MACF1: variants seen among roughly 807,000 people sequenced by gnomAD.
MACF1 encodes microtubule-actin cross-linking factor 1.
A neutral mutation model predicts 854.8 loss-of-function variants in MACF1; 193 were observed. The ratio of observed to expected loss-of-function variants is 0.23; its 90% CI spans 0.20 to 0.25. The LOEUF (loss-of-function observed/expected upper bound fraction) is 0.25, where lower values mean the gene tolerates loss of function less well. MACF1 is among the 10% of genes least tolerant of loss of function. MACF1 has a pLI of 1.00. For missense variants in MACF1, 7,722 were observed against 8,929.1 expected (o/e 0.86, Z 5.45); for synonymous variants, 3,185 against 3,226.7 (o/e 0.99, Z 0.44).
At chr1:39,147,487 CTTCT>C (rs1323623012) in intron 2 of MACF1, among the ~76,000 whole-genome samples, 3 of 143,178 alleles carry the variant, frequency 2.1e-5, no homozygotes, top group Admixed American at 7.4e-5. Context: ...CCCTTCCTTC[CTTCT>C]TTCCCTTCTT....
intron 97 of MACF1, among the ~76,000 whole-genome samples, chr1:39,478,423 C>G (rs973570815): frequency 2.0e-5 from 3 of 152,136 alleles, no homozygotes; most frequent in African/African-American, 4.8e-5. Context: ...TCTTAGAGAT[C>G]GGTTGACCTG....
intron 40 of MACF1, among the ~76,000 whole-genome samples, chr1:39,344,319 T>C (rs1339487053): frequency 7.1e-6 from 1 of 140,760 alleles, no homozygotes; most frequent in African/African-American, 2.7e-5. Context: ...GTAATCTCAG[T>C]TACTTGGGAG....
Position 39,105,976 on chromosome 1 carries a change from G to A in MACF1, c.220+21538G>A, listed in dbSNP as rs1344970734. Reference sequence around the variant, plus strand: ...CCCTATTATCCGGCCCCAGCTGGAAGAAGGCGAGACAAGGCGCTGGCCTGG... The same window carrying A: ...CCCTATTATCCGGCCCCAGCTGGAAAAAGGCGAGACAAGGCGCTGGCCTGG... On this transcript the variant is annotated intron_variant, in intron 2 of 93. Transcript: ENST00000361689. This position sits in a 1 kb window ranked among gnomAD's most constrained non-coding sequence, Gnocchi z 5.9. Among the ~76,000 whole-genome samples the A allele has an allele frequency of 6.6e-6, 1 of 152,228 alleles. No individual in the cohort carries two copies. Among genetic ancestry groups the A allele is most frequent in the African/African-American group, 2.4e-5 (1 of 41,456 alleles).
At chr1:39,104,049 C>A (rs559465439) in intron 2 of MACF1, among the ~76,000 whole-genome samples, 34 of 152,192 alleles carry the variant, frequency 2.2e-4, no homozygotes, top group Non-Finnish European at 4.3e-4. Context: ...GGAATGGAAG[C>A]CCAAGTCCCA....
intron 58 of MACF1, chr1:39,412,579 C>T: frequency 6.2e-7 from 1 of 1,613,966 alleles, no homozygotes; most frequent in South Asian, 1.1e-5. Flanking sequence ...AGAACTGAGA[C>T]TTAATCCAGA....
intron 99 of MACF1, among the ~76,000 whole-genome samples, chr1:39,481,336 A>G (rs1645007863): frequency 6.6e-6 from 1 of 152,256 alleles, no homozygotes; most frequent in Non-Finnish European, 1.5e-5. Flanking sequence ...ATTTATAATC[A>G]GGCCTCTTGG....
At chr1:39,368,778 A>T (rs868536767) in intron 50 of MACF1, among the ~76,000 whole-genome samples, 8 of 152,304 alleles carry the variant, frequency 5.3e-5, no homozygotes, top group African/African-American at 1.7e-4. Flanking sequence ...CTGGGATTAC[A>T]GGCATGAGCC....
intron 2 of MACF1, among the ~76,000 whole-genome samples, chr1:39,127,449 T>C (rs1205466305): frequency 6.6e-6 from 1 of 152,208 alleles, no homozygotes; most frequent in Non-Finnish European, 1.5e-5. Flanking sequence ...CACTTAATTC[T>C]CATGATAACC....
At chr1:39,269,389 G>A (rs1297183537) in intron 6 of MACF1, 10 of 1,289,706 alleles carry the variant, frequency 7.8e-6, no homozygotes, top group Admixed American at 6.9e-5. Context: ...AGTGTTTCAG[G>A]TGCCCCTCAG....
intron 58 of MACF1, chr1:39,411,732 A>C (rs1353764126): frequency 5.6e-6 from 9 of 1,613,822 alleles, no homozygotes; most frequent in Non-Finnish European, 6.8e-6. Context: ...TACAGAATCA[A>C]ATCTCTTCTG....
At chr1:39,329,263 T>C (rs1189232031) in intron 36 of MACF1, among the ~76,000 whole-genome samples, 1 of 152,174 alleles carries the variant, frequency 6.6e-6, no homozygotes, top group Non-Finnish European at 1.5e-5. Context: ...TATGTAGAAA[T>C]GGAGATGAGA....
intron 2 of MACF1, among the ~76,000 whole-genome samples, chr1:39,154,920 T>C (rs557934768): frequency 1.3e-5 from 2 of 152,280 alleles, no homozygotes; most frequent in East Asian, 3.9e-4. Context: ...GGCCAGAGAA[T>C]GCCTATTAGT....
In MACF1 at chr1:39,360,717, ATAT is replaced by A. The variant is rs1648116007; in HGVS notation, c.12245-73_12245-71del. 2.0e-5 allele frequency: 7 copies of A among 355,242 alleles called. No homozygotes were observed. In the Admixed American group the frequency reaches 3.8e-4, roughly 19 times the overall value. 22.0% of individuals were successfully genotyped at this position (355,242 alleles called of 1,614,324 possible). ...AATTTTTATTATTTATTATTTAATA[ATAT>A]TAATAATAAAGTCTTTAAAAGCATA... is the stretch of plus-strand genomic sequence containing the variant. On this transcript the variant is annotated intron_variant, in intron 47 of 100. Transcript: ENST00000564288.
At chr1:39,236,510 C>A (rs1271205071) in intron 2 of MACF1, among the ~76,000 whole-genome samples, 1 of 152,148 alleles carries the variant, frequency 6.6e-6, no homozygotes, top group Admixed American at 6.5e-5. Context: ...GACTATACTC[C>A]TTATGTGCTT....
intron 2 of MACF1, among the ~76,000 whole-genome samples, chr1:39,113,183 C>T (rs1642456179): frequency 6.6e-6 from 1 of 152,166 alleles, no homozygotes; most frequent in African/African-American, 2.4e-5. Context: ...ATCATTCTTT[C>T]AGTGCTTCTA....
intron 59 of MACF1, 23 bp from the exon 60 acceptor site, chr1:39,422,707 G>T: frequency 1.2e-6 from 2 of 1,606,500 alleles, no homozygotes; most frequent in South Asian, 2.2e-5. Flanking sequence ...TTCTCATAAT[G>T]AACCTACATG....
chr1:39,367,831 A>G (rs629093), intron 49 of MACF1, among the ~76,000 whole-genome samples: 61,218 of 151,954 alleles, frequency 0.4, 14,427 homozygotes, highest in African/African-American at 0.66. Context: ...TTAGCTGGGC[A>G]TGGTGGCAGG....
rs972477143 is a variant in MACF1 at position 39,346,235 on chromosome 1, G to A, written c.10582-742G>A. ...AAATTAGCCGGGCATGGTGGCGGGC[G>A]CCTGTAGTCCCAGCTACTCGAGAGG... is the stretch of plus-strand genomic sequence containing the variant. On this transcript the variant is annotated intron_variant, in intron 40 of 100. Transcript: ENST00000564288. Among the ~76,000 whole-genome samples the A allele has an allele frequency of 8.6e-5, 13 of 151,674 alleles. No homozygotes were observed. In the South Asian group the frequency reaches 1.9e-3, roughly 22 times the overall value.
At chr1:39,413,298 G>A (rs775100362) in intron 58 of MACF1, 1 of 1,583,624 alleles carries the variant, frequency 6.3e-7, no homozygotes, top group Non-Finnish European at 8.6e-7. Flanking sequence ...CCACCCCAGA[G>A]GAGCCCACCT....
Sources: gnomAD v4.1 joint callset for allele counts (sites outside exome capture counted in the v4.1 genomes callset) on GRCh38, gnomAD v4.1.1 for gene constraint, Gnocchi (gnomAD v3.1) non-coding constraint, MANE v1.5 for transcripts, NCBI Gene and HGNC (gene_info 2026-07-23, HGNC 2026-07-21) for gene names.